Variants in C4orf51 observed in about 807,000 individuals in gnomAD.
The protein encoded by C4orf51 is uncharacterized protein C4orf51.
C4orf51 carries 25 observed loss-of-function variants against 25.2 expected under a neutral mutation model. The ratio of observed to expected loss-of-function variants is 0.99; its 90% CI spans 0.72 to 1.39. The LOEUF (loss-of-function observed/expected upper bound fraction) is 1.39, where lower values mean the gene tolerates loss of function less well. Ranked by LOEUF, C4orf51 falls within the 40% of genes most tolerant of loss-of-function variation. The probability of loss-of-function intolerance (pLI) is 0.00; values close to 1 mark genes in which losing one functional copy is unlikely to be tolerated. For synonymous variants in C4orf51, 100 were observed against 84.5 expected, an observed-to-expected ratio of 1.18 and a Z score of -1.01; for missense variants, 252 against 239.6, an observed-to-expected ratio of 1.05 and a Z score of -0.34.
At position 145,745,818 on chromosome 4, in the gene C4orf51, G is replaced by A. The variant is rs376666816; in HGVS notation, n.168-8389G>A. On this transcript the variant is annotated intron_variant and non_coding_transcript_variant, in intron 1 of 1. Transcript: ENST00000508981. ...CTCCAAACTGTTCTCCATAGTGGTT[G>A]TACTAATTTACATTCCCACCAACAG... 2.6e-5 allele frequency among the ~76,000 whole-genome samples: 4 copies of A among 152,260 alleles called. No homozygotes were observed. In the East Asian group the frequency reaches 7.7e-4, roughly 29 times the overall value.
In C4orf51 at chr4:145,746,365, T is replaced by C. The variant is rs548756522; in HGVS notation, n.168-7842T>C. ...TTTTGAGATCTTAGATACTAGTCTT[T>C]AATCCATTTTTATTTGATTTTTGTA... On this transcript the variant is annotated intron_variant and non_coding_transcript_variant, in intron 1 of 1. Transcript: ENST00000508981. Among the ~76,000 whole-genome samples the C allele has an allele frequency of 2.6e-5, 4 of 152,324 alleles. No homozygotes were observed. In the South Asian group the frequency reaches 8.3e-4, roughly 32 times the overall value.
At chr4:145,741,246 C>T (rs1461750832) in intron 1 of C4orf51, among the ~76,000 whole-genome samples, 1 of 152,200 alleles carries the variant, frequency 6.6e-6, no homozygotes, top group Admixed American at 6.5e-5. Context: ...ATATTCCCTT[C>T]TAATCCTTCA....
chr4:145,727,597 C>T (rs1012177227), intron 3 of C4orf51, among the ~76,000 whole-genome samples: 12 of 151,548 alleles, frequency 7.9e-5, no homozygotes, highest in Admixed American at 2.0e-4. Context: ...TGCCATAGGC[C>T]GGGCACGGTG....
At chr4:145,708,302 C>T (rs1261696882) in intron 2 of C4orf51, among the ~76,000 whole-genome samples, 2 of 152,208 alleles carry the variant, frequency 1.3e-5, no homozygotes, top group Non-Finnish European at 2.9e-5. Context: ...GTAATTTCCT[C>T]CCCTTTCATT....
At chr4:145,732,357 A>T (rs375363001) in intron 5 of C4orf51, 96 bp from the exon 6 acceptor site, 2 of 705,844 alleles carry the variant, frequency 2.8e-6, no homozygotes. Context: ...CTCATGAATG[A>T]TGTCTGGTTT....
the C4orf51 span, among the ~76,000 whole-genome samples, chr4:145,787,850 C>G: frequency 6.3e-4 from 96 of 152,306 alleles, 1 homozygote; most frequent in Middle Eastern, 3.4e-3. Context: ...CAGGACTTCT[C>G]AGACCCCAGG....
the C4orf51 span, among the ~76,000 whole-genome samples, chr4:145,783,908 TG>T: frequency 1.3e-5 from 2 of 152,176 alleles, no homozygotes; most frequent in African/African-American, 2.4e-5. Context: ...TGGGGCCTTG[TG>T]GGAGGTGATT....
intron 3 of C4orf51, among the ~76,000 whole-genome samples, chr4:145,728,652 C>T (rs1732250028): frequency 6.6e-6 from 1 of 152,150 alleles, no homozygotes; most frequent in Admixed American, 6.5e-5. Flanking sequence ...TATATGAACT[C>T]ATGGCTAACA....
At chr4:145,716,093 ATCTATTATCTATTATCAAAATTG>A (rs1172097125) in intron 2 of C4orf51, among the ~76,000 whole-genome samples, 2 of 152,198 alleles carry the variant, frequency 1.3e-5, no homozygotes, top group Non-Finnish European at 2.9e-5. Flanking sequence ...CCCCCAAATT[ATCTATTATCTATTATCAAAATTG>A]TCTATTAATT....
downstream of C4orf51, among the ~76,000 whole-genome samples, chr4:145,773,262 C>CCT (rs1736557091): frequency 1.3e-5 from 2 of 152,336 alleles, no homozygotes; most frequent in Non-Finnish European, 2.9e-5. Context: ...TACAGTCAGA[C>CCT]AACTGACTGT....
At chr4:145,764,922 G>C (rs772490788) in intron 1 of C4orf51, 2 of 1,604,894 alleles carry the variant, frequency 1.2e-6, no homozygotes, top group East Asian at 2.2e-5. Context: ...GGAAGGGACG[G>C]GGTAGGGAAG....
chr4:145,712,911 T>C (rs1731212641), intron 2 of C4orf51, among the ~76,000 whole-genome samples: 1 of 152,234 alleles, frequency 6.6e-6, no homozygotes, highest in Admixed American at 6.5e-5. Context: ...AAGCCAAAGC[T>C]ATTTACTATT....
At chr4:145,750,559 T>C (rs968367239) in intron 1 of C4orf51, among the ~76,000 whole-genome samples, 59 of 152,268 alleles carry the variant, frequency 3.9e-4, no homozygotes, top group African/African-American at 1.2e-3. Flanking sequence ...TTGCTGCTTT[T>C]AGGATCCATT....
chr4:145,760,163 G>GC (rs1734290925), intron 1 of C4orf51: 1 of 152,214 alleles, frequency 6.6e-6, no homozygotes, highest in East Asian at 1.9e-4. Context: ...TAAGCACCAG[G>GC]CCCTACCACT....
At chr4:145,750,489 C>T (rs1393124979) in intron 1 of C4orf51, among the ~76,000 whole-genome samples, 10 of 144,482 alleles carry the variant, frequency 6.9e-5, no homozygotes, top group Admixed American at 6.5e-4. Context: ...AAGGTTTCCA[C>T]TGAAAAGTCT....
intron 1 of C4orf51, among the ~76,000 whole-genome samples, chr4:145,741,748 C>T (rs143089092): frequency 0.011 from 1,646 of 151,888 alleles, 37 homozygotes; most frequent in African/African-American, 0.038. Context: ...CCCAGGCTGG[C>T]GTGCAGTGGC....
downstream of C4orf51, among the ~76,000 whole-genome samples, chr4:145,733,195 C>G (rs962906446): frequency 6.6e-6 from 1 of 152,194 alleles, no homozygotes; most frequent in Non-Finnish European, 1.5e-5. Flanking sequence ...CGCCTCTTCC[C>G]GCTCCTCCCG....
chr4:145,705,822 A>G (rs1031603899), intron 2 of C4orf51, among the ~76,000 whole-genome samples: 1 of 152,188 alleles, frequency 6.6e-6, no homozygotes, highest in Non-Finnish European at 1.5e-5. Flanking sequence ...TAGAATTAGA[A>G]GAATGCCAAG....
At position 145,685,385 on chromosome 4, in the gene C4orf51, C is replaced by T. The variant is rs374524101; in HGVS notation, c.233+4949C>T. Among the ~76,000 whole-genome samples, 20 of 152,204 alleles carry T rather than the reference C, an allele frequency of 1.3e-4. No individual in the cohort carries two copies. The East Asian group carries it at 1.7e-3, about 13-fold the overall frequency. On this transcript the variant is annotated intron_variant, in intron 1 of 5. Transcript: ENST00000438731. ...GCCACAGACAAAATTCCTCAGACAG[C>T]GAGTTAAAGAAGGAAGGGGTTTATT...
Sources: gnomAD v4.1 joint callset for allele counts (sites outside exome capture counted in the v4.1 genomes callset) on GRCh38, gnomAD v4.1.1 for gene constraint, MANE v1.5 for transcripts, NCBI Gene and HGNC (gene_info 2026-07-23, HGNC 2026-07-21) for gene names.